EHD4: variants seen among roughly 807,000 people sequenced by gnomAD.
EHD4 encodes the protein EH domain-containing protein 4.
A neutral mutation model predicts 51.0 loss-of-function variants in EHD4; 37 were observed. That is an observed-to-expected ratio of 0.73 (90% CI 0.56 to 0.95). The LOEUF (loss-of-function observed/expected upper bound fraction) is 0.95, where lower values mean the gene tolerates loss of function less well. Among genes scored for constraint, EHD4 ranks in the 40% least tolerant of loss-of-function variants. The probability of loss-of-function intolerance (pLI) is 0.00; values close to 1 mark genes in which losing one functional copy is unlikely to be tolerated. For synonymous variants in EHD4, 297 were observed against 317.3 expected, an observed-to-expected ratio of 0.94 and a Z score of 0.68; for missense variants, 632 against 733.1, an observed-to-expected ratio of 0.86 and a Z score of 1.59.
At chr15:41,919,051 T>C (rs1441122876) in intron 4 of EHD4, among the ~76,000 whole-genome samples, 159 bp downstream of exon 4, 2 of 152,172 alleles carry the variant, frequency 1.3e-5, no homozygotes, top group Non-Finnish European at 2.9e-5. Flanking sequence ...AGCTAGGGTG[T>C]CAGCAGGGCC....
chr15:41,900,484 G>A lies in EHD4; in HGVS notation c.*161C>T. 1.4e-6 allele frequency: 1 copy of A among 701,474 alleles called. No individual in the cohort carries two copies. The highest frequency in any genetic ancestry group is 2.3e-6 in the Non-Finnish European group (1 of 434,822). 43.5% of individuals were successfully genotyped at this position (701,474 alleles called of 1,614,324 possible). A position where few individuals can be genotyped will look rare whatever the true frequency, so the allele number is the denominator to read the frequency against. On this transcript the variant is annotated 3_prime_UTR_variant, in exon 6 of 6. Transcript: ENST00000220325. This position sits in a 1 kb window ranked among gnomAD's most constrained non-coding sequence, Gnocchi z 4.8. ...AACTAAGGGAATTTTGGAGGTGAAA[G>A]AAGTCATCTAGTTTCCAGTGTCCAC...
chr15:41,911,408 C>T (rs1470724093), intron 4 of EHD4, among the ~76,000 whole-genome samples: 1 of 151,430 alleles, frequency 6.6e-6, no homozygotes. Context: ...GAATCCTGGG[C>T]TTTAACCGCT....
At chr15:41,967,239 C>G (rs2067967218) in intron 1 of EHD4, among the ~76,000 whole-genome samples, 1 of 152,202 alleles carries the variant, frequency 6.6e-6, no homozygotes, top group Non-Finnish European at 1.5e-5. Context: ...TTCCTCAGGG[C>G]TCAGCTTTTA....
intron 5 of EHD4, among the ~76,000 whole-genome samples, chr15:41,906,913 C>G (rs1328295117): frequency 6.6e-6 from 1 of 152,210 alleles, no homozygotes; most frequent in African/African-American, 2.4e-5. Flanking sequence ...CCAGGTGATT[C>G]TCAGCAAAGG....
intron 5 of EHD4, among the ~76,000 whole-genome samples, chr15:41,905,617 C>A (rs910221669): frequency 6.6e-6 from 1 of 152,200 alleles, no homozygotes; most frequent in Non-Finnish European, 1.5e-5. Context: ...CATATTGTAA[C>A]AAGAAACATG....
chr15:41,963,173 T>A (rs1466221308), intron 1 of EHD4, among the ~76,000 whole-genome samples: 1 of 152,082 alleles, frequency 6.6e-6, no homozygotes, highest in Non-Finnish European at 1.5e-5. Flanking sequence ...CGCAGGGTCC[T>A]CTGCCTAGGA....
At chr15:41,915,038 T>C (rs1033910562) in intron 4 of EHD4, among the ~76,000 whole-genome samples, 7 of 151,816 alleles carry the variant, frequency 4.6e-5, no homozygotes, top group Admixed American at 4.6e-4. Context: ...AAGCCCAGAG[T>C]AGATGTGGCC....
intron 5 of EHD4, among the ~76,000 whole-genome samples, chr15:41,907,644 C>T (rs1216055517): frequency 6.6e-5 from 10 of 152,098 alleles, no homozygotes; most frequent in East Asian, 5.8e-4. Context: ...CTCAGCCTCC[C>T]GGGTAGCTGG....
intron 3 of EHD4, among the ~76,000 whole-genome samples, chr15:41,939,110 G>C (rs2067750142): frequency 6.6e-6 from 1 of 152,114 alleles, no homozygotes; most frequent in South Asian, 2.1e-4. Flanking sequence ...TATCACCAAG[G>C]ACAAAGGATG....
rs145717011 is a variant in EHD4, at chr15:41,919,349, G to A, written c.785C>T (p.Ala262Val). The change falls in exon 4 of 6, where the codon GCG becomes GTG. Residue 262 changes from alanine (A) to valine (V), a missense_variant. Coordinates refer to ENST00000220325, the MANE Select transcript of EHD4 (RefSeq NM_139265.4). ...GTTGTCCGTGTTCTGCAGGGGCTGC[G>A]CCCAGAAGGAGCCAATGTAGACGCG... ...VLRVYIGSFW[A>V]QPLQNTDNRR... is the part of the protein sequence containing the mutation. 5.3e-5 allele frequency: 85 copies of A among 1,614,046 alleles called. No homozygotes were observed. The highest frequency in any genetic ancestry group is 1.2e-4 in the Admixed American group (7 of 59,996).
rs1322614472 is a variant in EHD4, at chr15:41,898,030, G to C, written c.*2615C>G. ...TTGTACTGGTCCTGGGAAGATACAA[G>C]TCCTCACTTGGTCGCCATCCCTCAT... is the stretch of plus-strand genomic sequence containing the variant. On this transcript the variant is annotated 3_prime_UTR_variant, in exon 6 of 6. Transcript: ENST00000220325. The C allele has an allele frequency of 6.6e-6, 1 of 152,250 alleles. No individual in the cohort carries two copies. The highest frequency in any genetic ancestry group is 6.5e-5 in the Admixed American group (1 of 15,286). 9.4% of individuals were successfully genotyped at this position (152,250 alleles called of 1,614,324 possible).
intron 5 of EHD4, among the ~76,000 whole-genome samples, chr15:41,905,624 CAT>C (rs1215115481): frequency 2.6e-5 from 4 of 152,172 alleles, no homozygotes; most frequent in Non-Finnish European, 5.9e-5. Context: ...TAACAAGAAA[CAT>C]GTGTCCTTAC....
At chr15:41,964,734 T>C (rs976521623) in intron 1 of EHD4, among the ~76,000 whole-genome samples, 3 of 149,620 alleles carry the variant, frequency 2.0e-5, no homozygotes, top group Non-Finnish European at 4.4e-5. Flanking sequence ...GATAGATACA[T>C]AGATTTAGGA....
Position 41,933,941 on chromosome 15 carries a change from G to A in EHD4, c.511+9126C>T, listed in dbSNP as rs528606737. 2.0e-5 allele frequency among the ~76,000 whole-genome samples: 3 copies of A among 152,198 alleles called. No individual in the cohort carries two copies. The East Asian group carries it at 5.8e-4, about 29-fold the overall frequency. The stretch of plus-strand genomic sequence containing the variant: ...CCCATGAGGCCGACAGGGTCACTTG[G>A]TGACTCCTGCGGGACAGTCACCTCT... On this transcript the variant is annotated intron_variant, in intron 3 of 5. Transcript: ENST00000220325.
intron 5 of EHD4, among the ~76,000 whole-genome samples, chr15:41,904,266 G>A (rs1282578097): frequency 1.3e-5 from 2 of 152,180 alleles, no homozygotes; most frequent in African/African-American, 4.8e-5. Flanking sequence ...GGCAGGGGGA[G>A]TGGCCGCATA....
chr15:41,954,112 C>T (rs1257079060), intron 1 of EHD4, among the ~76,000 whole-genome samples, 172 bp from the exon 2 acceptor site: 1 of 152,160 alleles, frequency 6.6e-6, no homozygotes, highest in Non-Finnish European at 1.5e-5. Context: ...ACAGACGCTA[C>T]CCCAAGGGAA....
chr15:41,971,877 T>A (rs1277629620), intron 1 of EHD4, among the ~76,000 whole-genome samples: 1 of 152,208 alleles, frequency 6.6e-6, no homozygotes, highest in African/African-American at 2.4e-5. Flanking sequence ...TAGGACTCTG[T>A]CCCATTCGGA....
chr15:41,953,994 C>A (rs2067870209), intron 1 of EHD4, 54 bp from the exon 2 acceptor site: 2 of 1,581,060 alleles, frequency 1.3e-6, no homozygotes, highest in East Asian at 2.3e-5. Flanking sequence ...AAGTAAGAGG[C>A]CAGAAAGCTG....
chr15:41,924,785 C>A (rs1351683818), intron 3 of EHD4, among the ~76,000 whole-genome samples: 1 of 152,112 alleles, frequency 6.6e-6, no homozygotes, highest in Non-Finnish European at 1.5e-5. Context: ...AGAATAGATG[C>A]ATTTTTCACG....
Sources: gnomAD v4.1 joint callset for allele counts (sites outside exome capture counted in the v4.1 genomes callset) on GRCh38, gnomAD v4.1.1 for gene constraint, Gnocchi (gnomAD v3.1) non-coding constraint, MANE v1.5 for transcripts, NCBI Gene and HGNC (gene_info 2026-07-23, HGNC 2026-07-21) for gene names.